UNC80: variants seen among roughly 807,000 people sequenced by gnomAD.
UNC80 encodes the protein protein unc-80 homolog.
In UNC80, 164 loss-of-function variants were observed where a neutral mutation model predicts 384.6. That is an observed-to-expected ratio of 0.43 (90% CI 0.38 to 0.49). The LOEUF (loss-of-function observed/expected upper bound fraction) is 0.49. Among genes scored for constraint, UNC80 ranks in the 20% least tolerant of loss-of-function variants. The pLI is 0.00. For synonymous variants in UNC80, 1,486 were observed against 1,527.8 expected, an observed-to-expected ratio of 0.97 and a Z score of 0.64; for missense variants, 3,330 against 4,143.0, an observed-to-expected ratio of 0.80 and a Z score of 5.39.
chr2:209,976,926 C>A lies in UNC80; in HGVS notation c.8786C>A (p.Pro2929Gln). The A allele has an allele frequency of 6.6e-7, 1 of 1,516,120 alleles. No homozygotes were observed. The highest frequency in any genetic ancestry group is 8.9e-7 in the Non-Finnish European group (1 of 1,117,838). The allele number at this position is 1,516,120 out of a possible 1,614,324, so 93.9% of individuals were successfully genotyped here. The change falls in exon 58 of 65, where the codon CCA becomes CAA. Residue 2929 changes from proline (P) to glutamine (Q), a missense_variant. By Grantham distance (76) the Pro-to-Gln change is moderately conservative (BLOSUM62 -1). Around this residue, in one of 8 missense-constraint regions of UNC80, gnomAD observed 216 missense variants for 245.3 expected, o/e 0.88. Coordinates refer to ENST00000673920, the MANE Select transcript of UNC80 (RefSeq NM_001371986.1). The surrounding 1 kb of genome is among the most constrained non-coding windows in gnomAD (Gnocchi z 4.3). ...PFIQCKLLAQ[P>Q]AENHEELSAR... The stretch of plus-strand genomic sequence containing the variant: ...CCTTCCTTTCAGCTGCTGGCCCAAC[C>A]AGCAGAGAATCATGAAGAGCTTTCC...
intron 7 of UNC80, among the ~76,000 whole-genome samples, chr2:209,801,007 C>T (rs1415612647): frequency 6.6e-6 from 1 of 151,946 alleles, no homozygotes; most frequent in African/African-American, 2.4e-5. Flanking sequence ...TGCCAAGTGA[C>T]ACTGAGAAGA....
chr2:209,872,850 A>G lies in UNC80; in HGVS notation c.3720A>G (p.Lys1240=), dbSNP rs1043793323. Residue 1240 remains lysine (K), a synonymous_variant, in exon 23 of 65, where the codon AAA becomes AAG. Transcript: ENST00000673920. The surrounding 1 kb of genome is among the most constrained non-coding windows in gnomAD (Gnocchi z 4.1). ...GTGGCAACTGGCCAGAGTGGATGAA[A>G]GGGCACCACGTGAACATCACCAAGA... The part of the protein sequence containing the change: ...CNRGNWPEWM[K]GHHVNITKKG... The G allele has an allele frequency of 5.5e-5, 85 of 1,551,344 alleles. No homozygotes were observed. The highest frequency in any genetic ancestry group is 7.1e-5 in the Non-Finnish European group (81 of 1,146,842).
In UNC80 at chr2:209,935,754, T is replaced by C; in HGVS notation, c.6219T>C (p.Asp2073=). The change falls in exon 40 of 65, where the codon GAT becomes GAC. Residue 2073 remains aspartate, a synonymous_variant. Coordinates refer to ENST00000673920, the MANE Select transcript of UNC80 (RefSeq NM_001371986.1). ...TAGTTCATGGACAGAATGAGTGCGA[T>C]ATCCCAACCCAGTTACCAGTCCATG... The part of the protein sequence containing the change: ...TLVVHGQNEC[D]IPTQLPVHED... 6.5e-7 allele frequency: 1 copy of C among 1,539,824 alleles called. No individual in the cohort carries two copies. The highest frequency in any genetic ancestry group is 8.8e-7 in the Non-Finnish European group (1 of 1,142,674).
chr2:209,866,771 A>G (rs1047820327), intron 22 of UNC80, among the ~76,000 whole-genome samples: 1 of 152,124 alleles, frequency 6.6e-6, no homozygotes, highest in Non-Finnish European at 1.5e-5. Context: ...TTCCTTCATC[A>G]TACTTTCGAT....
Position 209,913,798 on chromosome 2 carries a change from C to T in UNC80, c.4891-4C>T. 6.5e-7 allele frequency: 1 copy of T among 1,539,274 alleles called. No individual in the cohort carries two copies. Among genetic ancestry groups the T allele is most frequent in the Non-Finnish European group, 8.8e-7 (1 of 1,138,186 alleles). On this transcript the variant is annotated splice_region_variant and splice_polypyrimidine_tract_variant and intron_variant, in intron 30 of 64. Coordinates refer to ENST00000673920, the MANE Select transcript of UNC80 (RefSeq NM_001371986.1). Reference sequence around the variant, plus strand: ...TTTAAAACATGATTTCCATCTTTTCCCAGGTGATGAGCTTGTCGCCTGCTC... The same window carrying T: ...TTTAAAACATGATTTCCATCTTTTCTCAGGTGATGAGCTTGTCGCCTGCTC...
chr2:209,953,523 C>T (rs1295125174), intron 47 of UNC80, among the ~76,000 whole-genome samples: 1 of 151,896 alleles, frequency 6.6e-6, no homozygotes, highest in Non-Finnish European at 1.5e-5. Flanking sequence ...ATCTCCATGT[C>T]CCCTTCAAGG....
chr2:209,881,436 A>G (rs1574868422), intron 25 of UNC80, among the ~76,000 whole-genome samples: 1 of 152,166 alleles, frequency 6.6e-6, no homozygotes, highest in African/African-American at 2.4e-5. Flanking sequence ...GAACTCACCA[A>G]CAAATTTTTT....
chr2:209,878,790 A>G (rs2085007311), intron 24 of UNC80, among the ~76,000 whole-genome samples: 2 of 152,200 alleles, frequency 1.3e-5, no homozygotes, highest in African/African-American at 4.8e-5. Flanking sequence ...AATTCCAGTT[A>G]TAGTTATGGA....
intron 20 of UNC80, among the ~76,000 whole-genome samples, chr2:209,840,881 T>C (rs779155202): frequency 1.2e-4 from 19 of 152,232 alleles, no homozygotes; most frequent in Non-Finnish European, 2.8e-4. Flanking sequence ...AAAATTATAA[T>C]GCAGATATAG....
chr2:209,821,207 G>T (rs192315668), intron 13 of UNC80, among the ~76,000 whole-genome samples: 1 of 152,070 alleles, frequency 6.6e-6, no homozygotes, highest in Admixed American at 6.6e-5. Context: ...TTCTCATGTG[G>T]CCTCTTCTTT....
chr2:209,995,523 A>C lies in UNC80; in HGVS notation c.9903A>C (p.Leu3301=), dbSNP rs963283770. The part of the protein sequence containing the change: ...SEENGMENPL[L]SSQFTFTPTE... The stretch of plus-strand genomic sequence containing the variant: ...AAAATGGCATGGAGAACCCGCTACT[A>C]TCTAGTCAGTTCACCTTTACTCCCA... Residue 3301 remains leucine (L), a synonymous_variant, in exon 65 of 65, where the codon CTA becomes CTC. Transcript: ENST00000673920. The C allele has an allele frequency of 5.8e-6, 9 of 1,551,820 alleles. No individual in the cohort carries two copies. Among genetic ancestry groups the C allele is most frequent in the Non-Finnish European group, 6.1e-6 (7 of 1,147,054 alleles).
At chr2:209,964,898 TA>T (rs202210110) in intron 51 of UNC80, among the ~76,000 whole-genome samples, 3 of 151,870 alleles carry the variant, frequency 2.0e-5, no homozygotes, top group South Asian at 2.1e-4. Flanking sequence ...CCTAATTTGT[TA>T]AAAAAAAGTA....
At chr2:209,932,770 C>CA (rs1264492033) in intron 38 of UNC80, among the ~76,000 whole-genome samples, 1 of 152,124 alleles carries the variant, frequency 6.6e-6, no homozygotes, top group East Asian at 1.9e-4. Context: ...CACTGACAGG[C>CA]ATGTAGGTTG....
chr2:209,844,709 C>G (rs764212511), intron 21 of UNC80, among the ~76,000 whole-genome samples: 1 of 151,666 alleles, frequency 6.6e-6, no homozygotes, highest in Non-Finnish European at 1.5e-5. Flanking sequence ...CCTGCCTCAG[C>G]CTTGCAAGTA....
chr2:209,834,409 T>C (rs1164359833), intron 17 of UNC80, among the ~76,000 whole-genome samples: 1 of 152,170 alleles, frequency 6.6e-6, no homozygotes, highest in Non-Finnish European at 1.5e-5. Context: ...TTCTTGTACT[T>C]GAACTACACG....
intron 22 of UNC80, among the ~76,000 whole-genome samples, chr2:209,861,058 G>A (rs1233000399): frequency 1.3e-5 from 2 of 152,162 alleles, no homozygotes; most frequent in African/African-American, 2.4e-5. Context: ...TTGCCTGATG[G>A]CCCTGGCCAG....
chr2:209,917,037 A>G (rs1474980139), intron 31 of UNC80, among the ~76,000 whole-genome samples: 2 of 152,226 alleles, frequency 1.3e-5, no homozygotes, highest in East Asian at 1.9e-4. Context: ...TATCAGAGCT[A>G]CTAGGATTTA....
intron 28 of UNC80, among the ~76,000 whole-genome samples, chr2:209,896,765 C>T (rs186948931): frequency 2.6e-5 from 4 of 151,988 alleles, no homozygotes; most frequent in African/African-American, 7.2e-5. Flanking sequence ...TTTGAGAGCA[C>T]GGTCATGGTG....
At chr2:209,977,653 C>G (rs534285815) in intron 58 of UNC80, among the ~76,000 whole-genome samples, 5 of 152,270 alleles carry the variant, frequency 3.3e-5, no homozygotes, top group East Asian at 1.9e-4. Context: ...ATTTATAAAG[C>G]CTTTAACTTT....
Sources: allele counts gnomAD v4.1 joint callset (sites outside exome capture counted in the v4.1 genomes callset), GRCh38; gene constraint gnomAD v4.1.1; regional missense constraint gnomAD v4.1.1; non-coding constraint Gnocchi (gnomAD v3.1); transcripts MANE v1.5; gene names NCBI Gene and HGNC (gene_info 2026-07-23, HGNC 2026-07-21).